The following ABCA9 variants were observed in gnomAD, a reference collection of about 807,000 sequenced individuals.
The protein encoded by ABCA9 is ATP-binding cassette sub-family A member 9.
ABCA9 carries 183 observed loss-of-function variants against 205.3 expected under a neutral mutation model. The ratio of observed to expected loss-of-function variants is 0.89; its 90% CI spans 0.79 to 1.01. The LOEUF is 1.01. Among genes scored for constraint, ABCA9 ranks in the 50% least tolerant of loss-of-function variants. The pLI, the probability that ABCA9 is intolerant of heterozygous loss-of-function variation, is 0.00. For synonymous variants in ABCA9, 651 were observed against 683.3 expected (o/e 0.95, Z 0.74); for missense variants, 1,805 against 1,912.4 (o/e 0.94, Z 1.05).
intron 6 of ABCA9, among the ~76,000 whole-genome samples, chr17:69,039,057 T>G (rs1211068851): frequency 6.6e-6 from 1 of 151,946 alleles, no homozygotes; most frequent in Non-Finnish European, 1.5e-5. Context: ...CTCAAGGAAA[T>G]AAAAGAGGAC....
At chr17:68,992,823 AAAGG>A in intron 27 of ABCA9, 189 bp downstream of exon 27, 13 of 393,116 alleles carry the variant, frequency 3.3e-5, no homozygotes, top group African/African-American at 2.4e-4. Context: ...CAAAAAAAAA[AAAGG>A]GGGGGGGTCC....
chr17:69,066,369 GA>G, the ABCA9 span, among the ~76,000 whole-genome samples: 37 of 151,456 alleles, frequency 2.4e-4, no homozygotes, highest in African/African-American at 7.5e-4. Context: ...GAAAACAAAA[GA>G]AAAAAAGTAT....
chr17:68,985,049 G>A lies in ABCA9; in HGVS notation c.4284+4C>T, dbSNP rs368711218. ...TGCAGAGCAACAACAAGCCCTGCCCGTACCTTTCGCTTTATTCCCTCTGAC... is the reference window on the plus strand; with the variant it reads ...TGCAGAGCAACAACAAGCCCTGCCCATACCTTTCGCTTTATTCCCTCTGAC... On this transcript the variant is annotated splice_donor_region_variant and intron_variant, in intron 33 of 38. Transcript: ENST00000340001. 24 of 1,614,072 alleles carry A rather than the reference G, an allele frequency of 1.5e-5. No individual in the cohort carries two copies. Among genetic ancestry groups the A allele is most frequent in the Middle Eastern group, 3.3e-4 (2 of 6,084 alleles).
intron 3 of ABCA9, among the ~76,000 whole-genome samples, chr17:69,046,062 C>A (rs1351238108): frequency 6.6e-6 from 1 of 151,976 alleles, no homozygotes; most frequent in African/African-American, 2.4e-5. Context: ...ATTGGAAATA[C>A]CAATACATCA....
intron 5 of ABCA9, among the ~76,000 whole-genome samples, chr17:69,043,995 T>C (rs2071632019): frequency 6.6e-6 from 1 of 152,096 alleles, no homozygotes; most frequent in Non-Finnish European, 1.5e-5. Context: ...CTTATCAGAG[T>C]ATATCCTGCT....
chr17:69,025,436 G>A (rs1242849893), intron 16 of ABCA9, among the ~76,000 whole-genome samples: 1 of 152,124 alleles, frequency 6.6e-6, no homozygotes, highest in African/African-American at 2.4e-5. Context: ...GGTTGAAGAA[G>A]AACATGTTTG....
intron 3 of ABCA9, among the ~76,000 whole-genome samples, chr17:69,047,830 C>G (rs1488078580): frequency 6.6e-6 from 1 of 152,184 alleles, no homozygotes; most frequent in East Asian, 1.9e-4. Context: ...CTAGCCACCC[C>G]ACTTCAGTTG....
chr17:69,010,704 G>A (rs181721233), intron 23 of ABCA9, among the ~76,000 whole-genome samples: 2 of 152,148 alleles, frequency 1.3e-5, no homozygotes, highest in Non-Finnish European at 2.9e-5. Flanking sequence ...GGCAAGGAAT[G>A]ATGATGACTT....
Position 68,993,217 on chromosome 17 carries a change from G to A in ABCA9, c.3556-133C>T, listed in dbSNP as rs988427923. 9 of 701,912 alleles carry A rather than the reference G, an allele frequency of 1.3e-5. No homozygotes were observed. The Admixed American group carries it at 1.4e-4, about 11-fold the overall frequency. The allele number at this position is 701,912 out of a possible 1,614,324, so 43.5% of individuals were successfully genotyped here. On this transcript the variant is annotated intron_variant, in intron 26 of 38. Coordinates refer to ENST00000340001, the MANE Select transcript of ABCA9 (RefSeq NM_080283.4). ...GACCTGATGCTCCCTTGGGTATCAT[G>A]TAAAAGTTAATTTCGGACTGTGCAG...
the ABCA9 span, among the ~76,000 whole-genome samples, chr17:69,071,841 A>G: frequency 2.0e-5 from 3 of 152,216 alleles, no homozygotes; most frequent in Non-Finnish European, 4.4e-5. Context: ...GAAGCTAAGA[A>G]CTTTGATAAA....
At chr17:69,027,229 C>T in intron 14 of ABCA9, 101 bp downstream of exon 14, 1 of 1,560,772 alleles carries the variant, frequency 6.4e-7, no homozygotes, top group Non-Finnish European at 8.7e-7. Context: ...ATATTTCATC[C>T]TAAAAGTTCT....
At chr17:69,036,261 AAC>A (rs1329499212) in intron 6 of ABCA9, among the ~76,000 whole-genome samples, 3 of 152,158 alleles carry the variant, frequency 2.0e-5, no homozygotes, top group Non-Finnish European at 4.4e-5. Flanking sequence ...TTGTAGCACA[AAC>A]ACAGTCATAA....
At chr17:68,994,984 G>A (rs1259370498) in intron 26 of ABCA9, among the ~76,000 whole-genome samples, 1 of 152,094 alleles carries the variant, frequency 6.6e-6, no homozygotes, top group Non-Finnish European at 1.5e-5. Context: ...ATATTTGCCT[G>A]TACTCACAGT....
chr17:68,989,124 A>G lies in ABCA9; in HGVS notation c.3956-6T>C, dbSNP rs200488022. 1,235 of 1,564,912 alleles carry G rather than the reference A, an allele frequency of 7.9e-4. 9 individuals are homozygous for G. The South Asian group carries it at 0.012, about 15-fold the overall frequency. On this transcript the variant is annotated splice_region_variant and splice_polypyrimidine_tract_variant and intron_variant, in intron 30 of 38. Transcript: ENST00000340001. ...TAACAGTCCTATAACTTCACCTGAAAGAAAGTGGTATGCTCAGAAATATAC... is the reference window on the plus strand; with the variant it reads ...TAACAGTCCTATAACTTCACCTGAAGGAAAGTGGTATGCTCAGAAATATAC...
chr17:69,003,342 G>C (rs936831771), intron 25 of ABCA9, among the ~76,000 whole-genome samples: 1 of 150,736 alleles, frequency 6.6e-6, no homozygotes, highest in Non-Finnish European at 1.5e-5. Flanking sequence ...GCATTTGCTT[G>C]TCTGTAAAGG....
intron 3 of ABCA9, among the ~76,000 whole-genome samples, chr17:69,046,652 T>C (rs1041797434): frequency 2.0e-5 from 3 of 151,732 alleles, no homozygotes; most frequent in African/African-American, 7.2e-5. Context: ...TTGTATTTTC[T>C]CTTTATTTGC....
chr17:68,988,347 T>C (rs9894510), intron 31 of ABCA9, among the ~76,000 whole-genome samples: 16,136 of 152,224 alleles, frequency 0.11, 2,390 homozygotes, highest in African/African-American at 0.33. Flanking sequence ...TTATCCATTT[T>C]TTTTTCATTA....
Position 69,043,604 on chromosome 17 carries a change from AG to A in ABCA9, c.684del (p.Cys230AlafsTer26). On this transcript the variant is annotated frameshift_variant, in exon 6 of 39. Transcript: ENST00000340001. LOFTEE classifies it high-confidence loss of function. ...QGGVATDFFI[F>X]FCIISFSTFI... ...AATGTAGAAAAAGAAATAATGCAAA[AG>A]AAAATGAAAAAATCAGTTGCAACTC... 1 of 1,613,744 alleles carries A rather than the reference AG, an allele frequency of 6.2e-7. No homozygotes were observed. Among genetic ancestry groups the A allele is most frequent in the Non-Finnish European group, 8.5e-7 (1 of 1,179,760 alleles).
At position 69,020,587 on chromosome 17, in the gene ABCA9, C is replaced by T. The variant is rs1424612536; in HGVS notation, c.2402-1G>A. On this transcript the variant is annotated splice_acceptor_variant, in intron 18 of 38. Transcript: ENST00000340001. LOFTEE classifies it high-confidence loss of function. ...TGTAATTGTCCCCAAATTCCAATAT[C>T]TAAAACATAAGATCAATATTTTATA... is the stretch of plus-strand genomic sequence containing the variant. 6 of 1,611,800 alleles carry T rather than the reference C, an allele frequency of 3.7e-6. No individual in the cohort carries two copies. The South Asian group carries it at 4.4e-5, about 12-fold the overall frequency.
Sources: allele counts gnomAD v4.1 joint callset (sites outside exome capture counted in the v4.1 genomes callset), GRCh38; gene constraint gnomAD v4.1.1; transcripts MANE v1.5; gene names NCBI Gene and HGNC (gene_info 2026-07-23, HGNC 2026-07-21).